The following CCR3 variants were observed in gnomAD, a reference collection of about 807,000 sequenced individuals.
CCR3 encodes the protein C-C chemokine receptor type 3.
For missense variants in CCR3, 419 were observed against 437.5 expected, an observed-to-expected ratio of 0.96 and a Z score of 0.38; for synonymous variants, 203 against 179.2, an observed-to-expected ratio of 1.13 and a Z score of -1.06.
chr3:46,222,300 T>A (rs990486363), intron 2 of CCR3, among the ~76,000 whole-genome samples: 7 of 152,160 alleles, frequency 4.6e-5, no homozygotes, highest in African/African-American at 1.7e-4. Flanking sequence ...ATAGATGAAC[T>A]TCTAGCTAGA....
intron 1 of CCR3, among the ~76,000 whole-genome samples, chr3:46,256,882 G>T (rs13325613): frequency 0.09 from 13,720 of 151,932 alleles, 720 homozygotes; most frequent in South Asian, 0.19. Context: ...TCGAGAAATT[G>T]TATCTTTCAC....
chr3:46,214,304 A>C (rs1483928168), intron 2 of CCR3, among the ~76,000 whole-genome samples: 1 of 152,074 alleles, frequency 6.6e-6, no homozygotes, highest in Non-Finnish European at 1.5e-5. Flanking sequence ...TTTCCTGGAC[A>C]GTTCTCTGCC....
intron 1 of CCR3, among the ~76,000 whole-genome samples, chr3:46,247,338 T>C (rs1009858426): frequency 3.9e-5 from 6 of 152,144 alleles, no homozygotes; most frequent in Non-Finnish European, 8.8e-5. Context: ...GTGTCTGGAA[T>C]GAGACTGGGG....
At position 46,265,438 on chromosome 3, in the gene CCR3, G is replaced by A. The variant is rs1227753197; in HGVS notation, c.280G>A (p.Val94Ile). The A allele has an allele frequency of 6.2e-7, 1 of 1,614,044 alleles. No homozygotes were observed. Among genetic ancestry groups the A allele is most frequent in the African/African-American group, 1.3e-5 (1 of 74,906 alleles). The change falls in exon 2 of 2, where the codon GTC becomes ATC. Residue 94 changes from valine to isoleucine, a missense_variant. By Grantham distance (29) the Val-to-Ile change is conservative. Transcript: ENST00000395940. ...CACCCTTCCATTCTGGATCCACTATGTCAGGGGGCATAACTGGGTTTTTGG... is the reference window on the plus strand; with the variant it reads ...CACCCTTCCATTCTGGATCCACTATATCAGGGGGCATAACTGGGTTTTTGG... ...LVTLPFWIHY[V>I]RGHNWVFGHG...
chr3:46,248,710 A>G (rs976308147), intron 1 of CCR3, among the ~76,000 whole-genome samples: 8 of 152,104 alleles, frequency 5.3e-5, no homozygotes, highest in African/African-American at 9.7e-5. Context: ...TGCTGAGCCT[A>G]ATGGGTGTCA....
chr3:46,264,376 T>A, intron 1 of CCR3: 1 of 1,503,142 alleles, frequency 6.7e-7, no homozygotes, highest in Non-Finnish European at 9.0e-7. Flanking sequence ...AAATGTGTAT[T>A]TTTTTCACAG....
At chr3:46,254,382 G>A (rs543564928) in intron 1 of CCR3, among the ~76,000 whole-genome samples, 125 of 152,270 alleles carry the variant, frequency 8.2e-4, no homozygotes, top group African/African-American at 3.0e-3. Context: ...TGGGAGTGAG[G>A]AGACATAGAT....
upstream of CCR3, among the ~76,000 whole-genome samples, chr3:46,238,681 C>A (rs976995085): frequency 3.9e-5 from 6 of 152,130 alleles, no homozygotes; most frequent in African/African-American, 1.4e-4. Context: ...CAGGAGACAA[C>A]ACAAAACTTG....
chr3:46,261,828 A>T (rs1700530187), intron 1 of CCR3, among the ~76,000 whole-genome samples: 1 of 152,258 alleles, frequency 6.6e-6, no homozygotes, highest in Non-Finnish European at 1.5e-5. Flanking sequence ...GAAAAGGTGC[A>T]TAGCCTGGGC....
intron 2 of CCR3, among the ~76,000 whole-genome samples, chr3:46,227,977 A>G (rs1435101221): frequency 6.6e-6 from 1 of 152,124 alleles, no homozygotes; most frequent in African/African-American, 2.4e-5. Context: ...TTCGTTGTGA[A>G]GGTATCTACA....
chr3:46,236,428 C>T (rs572315767), intron 2 of CCR3, among the ~76,000 whole-genome samples: 13 of 152,338 alleles, frequency 8.5e-5, no homozygotes, highest in Middle Eastern at 3.4e-3. Context: ...GCTCCCAGGA[C>T]GGCTCACCTT....
At chr3:46,262,736 C>G (rs1465155271) in intron 1 of CCR3, among the ~76,000 whole-genome samples, 2 of 152,096 alleles carry the variant, frequency 1.3e-5, no homozygotes, top group East Asian at 3.8e-4. Flanking sequence ...TTCACTGCAG[C>G]CTCAACCTTC....
In CCR3 at chr3:46,249,090, G is replaced by A. The variant is rs1032568660; in HGVS notation, c.-12+6552G>A. Among the ~76,000 whole-genome samples the A allele has an allele frequency of 5.3e-5, 8 of 152,106 alleles. No homozygotes were observed. The South Asian group carries it at 8.3e-4, about 16-fold the overall frequency. On this transcript the variant is annotated intron_variant, in intron 1 of 1. Transcript: ENST00000395940. ...AGGGTAAGGGTGATTAGGTTTTAACGAGATGGTAAGGGGAGCATGATTGGT... is the reference window on the plus strand; with the variant it reads ...AGGGTAAGGGTGATTAGGTTTTAACAAGATGGTAAGGGGAGCATGATTGGT...
rs567105194 is a variant in CCR3, at chr3:46,246,787, C to T, written c.-12+4249C>T. Among the ~76,000 whole-genome samples, 20 of 151,782 alleles carry T rather than the reference C, an allele frequency of 1.3e-4. 1 individual carries two copies. In the South Asian group the frequency reaches 3.3e-3, roughly 25 times the overall value. The stretch of plus-strand genomic sequence containing the variant: ...AAATAGTGTTGAAGTGTTGGGGTGG[C>T]GAAAATTTTTGGAGGGTGGTATGGA... On this transcript the variant is annotated intron_variant, in intron 1 of 1. Transcript: ENST00000395940.
At chr3:46,260,592 T>C (rs541319645) in intron 1 of CCR3, among the ~76,000 whole-genome samples, 4 of 152,224 alleles carry the variant, frequency 2.6e-5, no homozygotes, top group Non-Finnish European at 5.9e-5. Context: ...TTTGACTCCA[T>C]GTCTTGCATC....
At chr3:46,254,729 G>A (rs181238813) in intron 1 of CCR3, among the ~76,000 whole-genome samples, 1 of 152,174 alleles carries the variant, frequency 6.6e-6, no homozygotes, top group East Asian at 1.9e-4. Flanking sequence ...GAGTGACAAT[G>A]TACAATGTTT....
chr3:46,246,636 T>C (rs1277989391), intron 1 of CCR3, among the ~76,000 whole-genome samples: 2 of 152,136 alleles, frequency 1.3e-5, no homozygotes, highest in African/African-American at 4.8e-5. Context: ...TCACTTCTTT[T>C]GTGATTCTTC....
intron 1 of CCR3, among the ~76,000 whole-genome samples, chr3:46,249,549 G>T (rs1282942632): frequency 6.6e-6 from 1 of 152,146 alleles, no homozygotes; most frequent in Non-Finnish European, 1.5e-5. Flanking sequence ...TGGGGCTTCC[G>T]AGGCGATCAG....
chr3:46,212,272 A>T (rs1384452118), intron 2 of CCR3, among the ~76,000 whole-genome samples: 1 of 152,120 alleles, frequency 6.6e-6, no homozygotes, highest in African/African-American at 2.4e-5. Flanking sequence ...GATCACAGAG[A>T]TGTGAGATGT....
Sources: gnomAD v4.1 joint callset for allele counts (sites outside exome capture counted in the v4.1 genomes callset) on GRCh38, gnomAD v4.1.1 for gene constraint, MANE v1.5 for transcripts, NCBI Gene and HGNC (gene_info 2026-07-23, HGNC 2026-07-21) for gene names.